The following BANK1 variants were observed in gnomAD, a reference collection of about 807,000 sequenced individuals.
The protein encoded by BANK1 is B-cell scaffold protein with ankyrin repeats.
A neutral mutation model predicts 94.5 loss-of-function variants in BANK1; 95 were observed. The observed-to-expected ratio is 1.00, with a 90% CI of 0.85 to 1.19. BANK1 has a LOEUF of 1.19. Among genes scored for constraint, BANK1 ranks in the 50% most tolerant of loss-of-function variants. The pLI is 0.00. For synonymous variants in BANK1, 334 were observed against 308.4 expected (o/e 1.08, Z -0.87); for missense variants, 987 against 932.2 (o/e 1.06, Z -0.77).
intron 7 of BANK1, among the ~76,000 whole-genome samples, chr4:101,935,569 C>T (rs1723501332): frequency 6.6e-6 from 1 of 151,530 alleles, no homozygotes; most frequent in Non-Finnish European, 1.5e-5. Flanking sequence ...CTGAATTCAA[C>T]ACATTTATTA....
chr4:101,983,287 T>A (rs868438899), intron 7 of BANK1, among the ~76,000 whole-genome samples: 2 of 152,000 alleles, frequency 1.3e-5, no homozygotes, highest in African/African-American at 4.8e-5. Flanking sequence ...TAGAGGAAAA[T>A]GTATGGAAAT....
intron 6 of BANK1, among the ~76,000 whole-genome samples, chr4:101,909,105 C>G (rs1433613246): frequency 6.6e-6 from 1 of 152,152 alleles, no homozygotes; most frequent in Non-Finnish European, 1.5e-5. Flanking sequence ...GACACATGCA[C>G]ACGTATGCTT....
At chr4:101,979,004 CT>C (rs1725234879) in intron 7 of BANK1, among the ~76,000 whole-genome samples, 1 of 151,970 alleles carries the variant, frequency 6.6e-6, no homozygotes, top group South Asian at 2.1e-4. Flanking sequence ...TAACACATGA[CT>C]TTTGCATCTT....
intron 2 of BANK1, among the ~76,000 whole-genome samples, chr4:101,850,298 G>A (rs1464469937): frequency 2.6e-5 from 4 of 151,964 alleles, no homozygotes; most frequent in Non-Finnish European, 5.9e-5. Flanking sequence ...TTGAGAGGGA[G>A]TCTTGCTTTG....
intron 5 of BANK1, among the ~76,000 whole-genome samples, chr4:101,875,815 A>G (rs1560612237): frequency 6.6e-6 from 1 of 152,152 alleles, no homozygotes; most frequent in African/African-American, 2.4e-5. Flanking sequence ...TAAACTTGAA[A>G]GGCAATCTAG....
intron 13 of BANK1, among the ~76,000 whole-genome samples, 154 bp from the exon 14 acceptor site, chr4:102,071,121 G>A (rs1260027445): frequency 6.6e-6 from 1 of 152,120 alleles, no homozygotes; most frequent in African/African-American, 2.4e-5. Flanking sequence ...GCTGGAGGTA[G>A]AGAAATTTGG....
At chr4:101,815,783 A>G (rs1725891510) in intron 1 of BANK1, among the ~76,000 whole-genome samples, 1 of 136,506 alleles carries the variant, frequency 7.3e-6, no homozygotes, top group African/African-American at 2.8e-5. Flanking sequence ...TTTTTGTCAC[A>G]CTCTTGTTTT....
chr4:101,977,594 T>A (rs1221598424), intron 7 of BANK1, among the ~76,000 whole-genome samples: 1 of 152,184 alleles, frequency 6.6e-6, no homozygotes, highest in Non-Finnish European at 1.5e-5. Context: ...CCACAATTCT[T>A]AAGAATACAA....
intron 2 of BANK1, among the ~76,000 whole-genome samples, chr4:101,839,760 C>G (rs991247066): frequency 6.6e-6 from 1 of 151,528 alleles, no homozygotes; most frequent in African/African-American, 2.4e-5. Context: ...ATTCAACTGG[C>G]CAAATTCTTT....
intron 7 of BANK1, among the ~76,000 whole-genome samples, chr4:102,011,966 G>A (rs1726526348): frequency 6.6e-6 from 1 of 152,076 alleles, no homozygotes; most frequent in Non-Finnish European, 1.5e-5. Context: ...AATGGAATCT[G>A]GCAAACTGAG....
intron 1 of BANK1, among the ~76,000 whole-genome samples, chr4:101,818,616 T>C (rs979714029): frequency 6.6e-6 from 1 of 152,114 alleles, no homozygotes; most frequent in Admixed American, 6.6e-5. Flanking sequence ...AATAGTAATA[T>C]ATTTTGAAAG....
intron 6 of BANK1, among the ~76,000 whole-genome samples, chr4:101,917,506 T>A (rs1578397533): frequency 6.6e-6 from 1 of 151,908 alleles, no homozygotes; most frequent in Non-Finnish European, 1.5e-5. Context: ...ATGCAGTTAG[T>A]TTTTGAAAGA....
chr4:101,978,889 T>C (rs1011550830), intron 7 of BANK1, among the ~76,000 whole-genome samples: 3 of 152,100 alleles, frequency 2.0e-5, no homozygotes, highest in African/African-American at 7.2e-5. Flanking sequence ...GATATTTGTT[T>C]TTATCAATGT....
intron 7 of BANK1, among the ~76,000 whole-genome samples, chr4:101,945,144 T>G (rs1376077631): frequency 6.6e-6 from 1 of 151,970 alleles, no homozygotes; most frequent in Non-Finnish European, 1.5e-5. Flanking sequence ...GCATTTTAGT[T>G]AAATCAAAAG....
intron 10 of BANK1, among the ~76,000 whole-genome samples, chr4:102,038,023 CT>C (rs945564686): frequency 6.6e-6 from 1 of 152,156 alleles, no homozygotes; most frequent in East Asian, 1.9e-4. Context: ...CAGCCCTATC[CT>C]TTTTGAGAGC....
At chr4:101,918,237 G>A (rs773089936) in intron 7 of BANK1, 48 bp downstream of exon 7, 32 of 1,303,672 alleles carry the variant, frequency 2.5e-5, no homozygotes, top group Non-Finnish European at 3.3e-5. Context: ...GTTTGATATT[G>A]TAGAAGAGAC....
intron 2 of BANK1, among the ~76,000 whole-genome samples, chr4:101,832,579 A>G (rs945676508): frequency 6.6e-6 from 1 of 151,592 alleles, no homozygotes; most frequent in African/African-American, 2.4e-5. Flanking sequence ...ATTACTTCCA[A>G]TCTCTTTCGT....
chr4:101,790,766 C>A lies in BANK1; in HGVS notation c.-115C>A. On this transcript the variant is annotated 5_prime_UTR_variant, in exon 1 of 17. It adds an upstream start codon to the 5' untranslated region. Transcript: ENST00000322953. ...GCAGCCTCCGCGGGTGGCAAGCGGG[C>A]TGGGGAGAGCCGAGGGCCAAAGGAA... is the stretch of plus-strand genomic sequence containing the variant. 8.5e-7 allele frequency: 1 copy of A among 1,170,054 alleles called. No individual in the cohort carries two copies. Among genetic ancestry groups the A allele is most frequent in the African/African-American group, 1.5e-5 (1 of 65,474 alleles). 72.5% of individuals were successfully genotyped at this position (1,170,054 alleles called of 1,614,324 possible). A position where few individuals can be genotyped will look rare whatever the true frequency, so the allele number is the denominator to read the frequency against.
chr4:101,893,718 C>T (rs1453744216), intron 5 of BANK1, among the ~76,000 whole-genome samples: 1 of 151,936 alleles, frequency 6.6e-6, no homozygotes, highest in East Asian at 1.9e-4. Flanking sequence ...GGATAGGTTC[C>T]ACTGAATATA....
Sources: allele counts gnomAD v4.1 joint callset (sites outside exome capture counted in the v4.1 genomes callset), GRCh38; gene constraint gnomAD v4.1.1; transcripts MANE v1.5; gene names NCBI Gene and HGNC (gene_info 2026-07-23, HGNC 2026-07-21).